AGBL1: variants seen among roughly 807,000 people sequenced by gnomAD.
The protein encoded by AGBL1 is cytosolic carboxypeptidase 4.
Under a neutral mutation model 118.9 loss-of-function variants are expected in AGBL1, and 130 were observed. The ratio of observed to expected loss-of-function variants is 1.09; its 90% CI spans 0.95 to 1.26. The LOEUF is 1.26. Ranked by LOEUF, AGBL1 falls within the 50% of genes most tolerant of loss-of-function variation. The pLI is 0.00. For synonymous variants in AGBL1, 555 were observed against 478.9 expected (o/e 1.16, Z -2.08); for missense variants, 1,584 against 1,298.1 (o/e 1.22, Z -3.38).
intron 5 of AGBL1, among the ~76,000 whole-genome samples, chr15:86,188,591 T>G (rs1480721051): frequency 6.6e-6 from 1 of 152,212 alleles, no homozygotes; most frequent in Non-Finnish European, 1.5e-5. Flanking sequence ...ACAACAGTGC[T>G]GAAAAGGGGT....
At chr15:86,994,207 G>C (rs1448471221) in intron 24 of AGBL1, among the ~76,000 whole-genome samples, 3 of 152,110 alleles carry the variant, frequency 2.0e-5, no homozygotes, top group Non-Finnish European at 4.4e-5. Flanking sequence ...GAATGATATG[G>C]ATAGCCCAGC....
At chr15:86,287,023 C>A (rs1339642863) in intron 16 of AGBL1, among the ~76,000 whole-genome samples, 1 of 152,012 alleles carries the variant, frequency 6.6e-6, no homozygotes, top group Non-Finnish European at 1.5e-5. Context: ...TGCTATCATT[C>A]ATCTTTTTGA....
intron 22 of AGBL1, among the ~76,000 whole-genome samples, chr15:86,901,402 T>C (rs28583322): frequency 0.12 from 18,105 of 152,122 alleles, 1,783 homozygotes; most frequent in African/African-American, 0.28. Context: ...TATAACTTGA[T>C]TTCATGCCAA....
intron 18 of AGBL1, among the ~76,000 whole-genome samples, chr15:86,504,032 C>T (rs1474265186): frequency 6.6e-6 from 1 of 151,660 alleles, no homozygotes; most frequent in Non-Finnish European, 1.5e-5. Context: ...CTGAAATCTC[C>T]AACAATTTTT....
At chr15:86,722,619 A>G (rs1282613688) in intron 22 of AGBL1, among the ~76,000 whole-genome samples, 1 of 152,188 alleles carries the variant, frequency 6.6e-6, no homozygotes. Flanking sequence ...TGTCTAAAAC[A>G]CCAAAAGCAA....
chr15:86,299,437 T>C (rs1481881059), intron 17 of AGBL1, among the ~76,000 whole-genome samples: 1 of 152,030 alleles, frequency 6.6e-6, no homozygotes, highest in Non-Finnish European at 1.5e-5. Flanking sequence ...TCCTAACTAG[T>C]AGGATTTGGG....
intron 22 of AGBL1, among the ~76,000 whole-genome samples, chr15:86,851,018 A>G (rs1400646549): frequency 6.6e-6 from 1 of 152,208 alleles, no homozygotes; most frequent in Non-Finnish European, 1.5e-5. Context: ...ATGCATTTGG[A>G]GAGGCTTTTT....
At chr15:86,338,183 G>T (rs1397324350) in intron 17 of AGBL1, among the ~76,000 whole-genome samples, 1 of 152,216 alleles carries the variant, frequency 6.6e-6, no homozygotes, top group African/African-American at 2.4e-5. Context: ...AAAGGTAACA[G>T]TTGGAGGAGA....
intron 5 of AGBL1, among the ~76,000 whole-genome samples, chr15:86,213,822 T>C (rs1445822570): frequency 6.6e-6 from 1 of 152,224 alleles, no homozygotes; most frequent in Non-Finnish European, 1.5e-5. Context: ...TCATTAATTA[T>C]ACTCACAATA....
Position 86,891,578 on chromosome 15 carries a change from G to A in AGBL1, c.3159-15509G>A, listed in dbSNP as rs556981583. Among the ~76,000 whole-genome samples, 358 of 141,734 alleles carry A rather than the reference G, an allele frequency of 2.5e-3. 2 individuals are homozygous for A. The highest frequency in any genetic ancestry group is 0.015 in the Middle Eastern group (4 of 272). The allele number at this position is 141,734 out of a possible 152,430, so 93.0% of individuals were successfully genotyped here. A position where few individuals can be genotyped will look rare whatever the true frequency, so the allele number is the denominator to read the frequency against. On this transcript the variant is annotated intron_variant, in intron 22 of 22. Coordinates refer to ENST00000614907, the MANE Select transcript of AGBL1 (RefSeq NM_001386094.1). ...GACACCATTCAACAAGAAATAATGA[G>A]GAAAAAAAAAAAAACAAGCAAGGGA...
chr15:86,671,750 A>G (rs1473838900), intron 21 of AGBL1, among the ~76,000 whole-genome samples: 1 of 152,202 alleles, frequency 6.6e-6, no homozygotes, highest in Non-Finnish European at 1.5e-5. Flanking sequence ...GTCAAGTTCT[A>G]CTTGACAGTT....
chr15:86,860,117 A>G (rs2141478138), intron 22 of AGBL1, among the ~76,000 whole-genome samples: 1 of 152,242 alleles, frequency 6.6e-6, no homozygotes, highest in Non-Finnish European at 1.5e-5. Context: ...TAACTTAGTC[A>G]TTCACCGACT....
At chr15:86,766,024 C>A (rs985672396) in intron 22 of AGBL1, among the ~76,000 whole-genome samples, 1 of 151,932 alleles carries the variant, frequency 6.6e-6, no homozygotes, top group Admixed American at 6.6e-5. Context: ...ATAATCATAA[C>A]CAATATTTAC....
intron 18 of AGBL1, among the ~76,000 whole-genome samples, chr15:86,493,862 C>G (rs976404208): frequency 3.9e-5 from 6 of 151,992 alleles, no homozygotes; most frequent in African/African-American, 1.5e-4. Context: ...GCCCACTTCC[C>G]CCTCCCCTGA....
At chr15:86,545,788 C>G (rs1309315753) in intron 19 of AGBL1, among the ~76,000 whole-genome samples, 5 of 152,168 alleles carry the variant, frequency 3.3e-5, no homozygotes, top group Admixed American at 2.6e-4. Flanking sequence ...AGTCTACATT[C>G]TCCTCTGATA....
At chr15:87,022,638 C>T (rs1448242983) in intron 24 of AGBL1, among the ~76,000 whole-genome samples, 5 of 152,026 alleles carry the variant, frequency 3.3e-5, no homozygotes, top group Non-Finnish European at 7.4e-5. Flanking sequence ...AAGATCATCG[C>T]CTAGGCACAT....
rs35453049 is a variant in AGBL1 at position 86,243,144 on chromosome 15, A to AT, written c.527-4518dup. Among the ~76,000 whole-genome samples, 642 of 151,586 alleles carry AT rather than the reference A, an allele frequency of 4.2e-3. 2 individuals are homozygous for AT. The highest frequency in any genetic ancestry group is 5.2e-3 in the Non-Finnish European group (350 of 67,868). On this transcript the variant is annotated intron_variant, in intron 6 of 22. Coordinates refer to ENST00000614907, the MANE Select transcript of AGBL1 (RefSeq NM_001386094.1). ...CCAGTTTGTAACATCAAAAGGATACATTTTTTTTTCCTCCTGATTGTCAAA... is the reference window on the plus strand; with the variant it reads ...CCAGTTTGTAACATCAAAAGGATACATTTTTTTTTTCCTCCTGATTGTCAAA...
intron 21 of AGBL1, among the ~76,000 whole-genome samples, chr15:86,565,259 GT>G (rs2083895655): frequency 6.6e-6 from 1 of 152,174 alleles, no homozygotes; most frequent in African/African-American, 2.4e-5. Flanking sequence ...CATCTTTGTG[GT>G]TTTAACTACC....
downstream of AGBL1, among the ~76,000 whole-genome samples, chr15:86,917,002 C>T (rs2080433209): frequency 6.6e-6 from 1 of 152,014 alleles, no homozygotes; most frequent in African/African-American, 2.4e-5. This position sits in a 1 kb window ranked among gnomAD's most constrained non-coding sequence, Gnocchi z 4.8. Context: ...AACAGGAAGA[C>T]CTAAAGGAGG....
Sources: gnomAD v4.1 joint callset for allele counts (sites outside exome capture counted in the v4.1 genomes callset) on GRCh38, gnomAD v4.1.1 for gene constraint, Gnocchi (gnomAD v3.1) non-coding constraint, MANE v1.5 for transcripts, NCBI Gene and HGNC (gene_info 2026-07-23, HGNC 2026-07-21) for gene names.